Variants in UBE2D1 observed in about 807,000 individuals in gnomAD.
The protein encoded by UBE2D1 is ubiquitin-conjugating enzyme E2 D1.
In UBE2D1, 9 loss-of-function variants were observed where a neutral mutation model predicts 24.6. That is an observed-to-expected ratio of 0.37 (90% confidence interval 0.22 to 0.64). The LOEUF is 0.64. Among genes scored for constraint, UBE2D1 ranks in the 30% least tolerant of loss-of-function variants. The pLI, the probability that UBE2D1 is intolerant of heterozygous loss-of-function variation, is 0.64. For missense variants in UBE2D1, 87 were observed against 177.1 expected, an observed-to-expected ratio of 0.49 and a Z score of 2.89; for synonymous variants, 57 against 57.6, an observed-to-expected ratio of 0.99 and a Z score of 0.04.
In UBE2D1 at chr10:58,335,125, C is replaced by A; in HGVS notation, c.-77C>A. On this transcript the variant is annotated 5_prime_UTR_variant, in exon 1 of 7. Transcript: ENST00000373910. ...GAGCCAGCCTAGCTGCCAGCGAGCC[C>A]AACCCGCGACGACCCACGCCCCTGA... The A allele has an allele frequency of 6.7e-7, 1 of 1,485,370 alleles. No individual in the cohort carries two copies. The highest frequency in any genetic ancestry group is 1.2e-5 in the South Asian group (1 of 82,632). 92.0% of individuals were successfully genotyped at this position (1,485,370 alleles called of 1,614,324 possible).
rs1458805164 is a variant in UBE2D1 at position 58,359,977 on chromosome 10, T to C, written c.25-1361T>C. On this transcript the variant is annotated intron_variant, in intron 1 of 6. Coordinates refer to ENST00000373910, the MANE Select transcript of UBE2D1 (RefSeq NM_003338.5). The stretch of plus-strand genomic sequence containing the variant: ...TTTCTTGCCTATGCAGCAACTAATA[T>C]TGTAGCTTCTCCTCTTTCCCATGTC... 2.0e-5 allele frequency among the ~76,000 whole-genome samples: 3 copies of C among 152,290 alleles called. No individual in the cohort carries two copies. The East Asian group carries it at 5.8e-4, about 29-fold the overall frequency.
intron 1 of UBE2D1, among the ~76,000 whole-genome samples, chr10:58,358,786 G>A (rs114809360): frequency 0.049 from 7,306 of 149,494 alleles, 338 homozygotes; most frequent in African/African-American, 0.12. Context: ...TTTTAAATGC[G>A]GTCTTGCTCT....
intron 3 of UBE2D1, among the ~76,000 whole-genome samples, chr10:58,362,870 G>T (rs1173031159): frequency 1.3e-5 from 2 of 151,882 alleles, no homozygotes; most frequent in Non-Finnish European, 2.9e-5. Flanking sequence ...AAATATGAAA[G>T]AATTAAAATA....
chr10:58,335,336 C>A, intron 1 of UBE2D1, 111 bp downstream of exon 1: 2 of 1,274,626 alleles, frequency 1.6e-6, no homozygotes, highest in Non-Finnish European at 2.1e-6. Context: ...GAAGGGTGGG[C>A]CGGGGTGCGG....
At chr10:58,336,689 A>G (rs999872359) in intron 1 of UBE2D1, among the ~76,000 whole-genome samples, 1 of 152,264 alleles carries the variant, frequency 6.6e-6, no homozygotes, top group African/African-American at 2.4e-5. Flanking sequence ...CATACCTTGC[A>G]TACTTATTAA....
intron 1 of UBE2D1, among the ~76,000 whole-genome samples, chr10:58,359,008 C>A (rs1589002032): frequency 9.6e-6 from 1 of 103,862 alleles, no homozygotes; most frequent in Non-Finnish European, 2.0e-5. Context: ...ACCGCACCAG[C>A]TATTTAAAAA....
At chr10:58,351,492 A>G (rs374464396) in intron 1 of UBE2D1, among the ~76,000 whole-genome samples, 3 of 152,178 alleles carry the variant, frequency 2.0e-5, no homozygotes, top group African/African-American at 7.2e-5. Flanking sequence ...CAGGATACTC[A>G]GTATCACTGT....
chr10:58,337,249 G>A (rs1351243941), intron 1 of UBE2D1, among the ~76,000 whole-genome samples: 1 of 151,994 alleles, frequency 6.6e-6, no homozygotes, highest in African/African-American at 2.4e-5. Context: ...GTTCATTTTT[G>A]GCTTCCCTTT....
chr10:58,368,125 GT>G (rs1840277021), intron 6 of UBE2D1, 109 bp downstream of exon 6: 1 of 748,070 alleles, frequency 1.3e-6, no homozygotes, highest in Non-Finnish European at 2.2e-6. Flanking sequence ...GTTGTTATAT[GT>G]ATATTGTTTA....
At chr10:58,338,408 A>C (rs1367769936) in intron 1 of UBE2D1, among the ~76,000 whole-genome samples, 1 of 152,212 alleles carries the variant, frequency 6.6e-6, no homozygotes, top group Non-Finnish European at 1.5e-5. Flanking sequence ...CTATTTTTAA[A>C]TAACAGTGAA....
chr10:58,336,623 G>C (rs1320797553), intron 1 of UBE2D1, among the ~76,000 whole-genome samples: 1 of 152,140 alleles, frequency 6.6e-6, no homozygotes, highest in African/African-American at 2.4e-5. Context: ...TGAAGGTAGC[G>C]CAATTACACA....
chr10:58,339,449 G>A (rs750112885), intron 1 of UBE2D1, among the ~76,000 whole-genome samples: 8 of 152,106 alleles, frequency 5.3e-5, no homozygotes, highest in Admixed American at 1.3e-4. Flanking sequence ...TACTAGCTTC[G>A]TACAATGAGG....
At chr10:58,358,262 A>G (rs1258078386) in intron 1 of UBE2D1, among the ~76,000 whole-genome samples, 7 of 152,170 alleles carry the variant, frequency 4.6e-5, no homozygotes, top group Non-Finnish European at 7.4e-5. Context: ...AGAGACTATC[A>G]TTTTCTGATT....
intron 3 of UBE2D1, 144 bp downstream of exon 3, chr10:58,361,670 A>G (rs1214916247): frequency 8.7e-7 from 1 of 1,147,448 alleles, no homozygotes; most frequent in African/African-American, 1.6e-5. Context: ...TTAAGGATTT[A>G]CAATGATTTT....
chr10:58,345,916 T>C (rs1251996830), intron 1 of UBE2D1, among the ~76,000 whole-genome samples: 2 of 152,106 alleles, frequency 1.3e-5, no homozygotes, highest in Non-Finnish European at 2.9e-5. Flanking sequence ...AGCTTCATAT[T>C]GTAGACAACC....
intron 1 of UBE2D1, among the ~76,000 whole-genome samples, chr10:58,350,608 T>A (rs911677228): frequency 6.6e-6 from 1 of 152,208 alleles, no homozygotes; most frequent in Non-Finnish European, 1.5e-5. Context: ...TTAATTTTAA[T>A]CAAGTCCAAA....
intron 1 of UBE2D1, among the ~76,000 whole-genome samples, chr10:58,339,346 T>G (rs188994636): frequency 4.4e-4 from 67 of 152,286 alleles, no homozygotes; most frequent in Non-Finnish European, 1.5e-4. Context: ...CCTCAGGTGA[T>G]CCACCCGCCT....
intron 1 of UBE2D1, among the ~76,000 whole-genome samples, chr10:58,354,302 A>G (rs2132324539): frequency 6.6e-6 from 1 of 152,284 alleles, no homozygotes; most frequent in East Asian, 1.9e-4. Context: ...ATCATGGGAG[A>G]TGAAAGGAAG....
chr10:58,344,940 C>T (rs1840000159), intron 1 of UBE2D1, among the ~76,000 whole-genome samples: 1 of 151,754 alleles, frequency 6.6e-6, no homozygotes, highest in Admixed American at 6.6e-5. Context: ...TCTCAGCTCA[C>T]TGCAACCTCC....
Sources: gnomAD v4.1 joint callset for allele counts (sites outside exome capture counted in the v4.1 genomes callset) on GRCh38, gnomAD v4.1.1 for gene constraint, MANE v1.5 for transcripts, NCBI Gene and HGNC (gene_info 2026-07-23, HGNC 2026-07-21) for gene names.